The following SH3PXD2A variants were observed in gnomAD, a reference collection of about 807,000 sequenced individuals.
SH3PXD2A encodes the protein SH3 and PX domain-containing protein 2A.
Under a neutral mutation model 115.2 loss-of-function variants are expected in SH3PXD2A, and 32 were observed. That is an observed-to-expected ratio of 0.28 (90% CI 0.21 to 0.37). The LOEUF (loss-of-function observed/expected upper bound fraction) is 0.37, where lower values mean the gene tolerates loss of function less well. SH3PXD2A is among the 10% of genes least tolerant of loss of function. The pLI, the probability that SH3PXD2A is intolerant of heterozygous loss-of-function variation, is 1.00. For missense variants in SH3PXD2A, 1,328 were observed against 1,498.7 expected (o/e 0.89, Z 1.88); for synonymous variants, 610 against 629.1 (o/e 0.97, Z 0.45).
chr10:103,754,098 C>A (rs901027039), intron 3 of SH3PXD2A: 1 of 152,266 alleles, frequency 6.6e-6, no homozygotes, highest in African/African-American at 2.4e-5. Context: ...CTCATCTCAA[C>A]TCTCCTCCCT....
At chr10:103,825,365 AC>A (rs112692637) in intron 1 of SH3PXD2A, among the ~76,000 whole-genome samples, 3 of 152,350 alleles carry the variant, frequency 2.0e-5, no homozygotes, top group Middle Eastern at 3.4e-3. Flanking sequence ...ATGGCTGTTA[AC>A]AGGCGTTGCA....
intron 8 of SH3PXD2A, among the ~76,000 whole-genome samples, chr10:103,654,883 C>G (rs576927368): frequency 1.3e-5 from 2 of 152,134 alleles, no homozygotes; most frequent in African/African-American, 4.8e-5. Flanking sequence ...AACACGAAGT[C>G]CATGTTCCTA....
intron 3 of SH3PXD2A, among the ~76,000 whole-genome samples, chr10:103,743,112 T>C (rs1254550853): frequency 2.0e-5 from 3 of 152,094 alleles, no homozygotes; most frequent in African/African-American, 7.2e-5. Context: ...AAGGATCCCA[T>C]GTCCAGCTGC....
Position 103,620,999 on chromosome 10 carries a change from C to T in SH3PXD2A, c.802+1471G>A, listed in dbSNP as rs563979239. Among the ~76,000 whole-genome samples the T allele has an allele frequency of 2.0e-5, 3 of 152,244 alleles. No homozygotes were observed. The East Asian group carries it at 5.8e-4, about 29-fold the overall frequency. On this transcript the variant is annotated intron_variant, in intron 10 of 14. Coordinates refer to ENST00000369774, the MANE Select transcript of SH3PXD2A (RefSeq NM_001394015.1). The surrounding 1 kb of genome is among the most constrained non-coding windows in gnomAD (Gnocchi z 5.3). ...CATTTGTGGTGGTATAAACAGAAGA[C>T]ACATGGCACGGTGTATGCGTGGCTG...
At chr10:103,763,656 G>A (rs959642931) in intron 3 of SH3PXD2A, among the ~76,000 whole-genome samples, 4 of 152,206 alleles carry the variant, frequency 2.6e-5, no homozygotes, top group African/African-American at 9.7e-5. Flanking sequence ...ATGCTGTCCT[G>A]AGCCCCTGTA....
chr10:103,823,879 C>T (rs1363826813), intron 1 of SH3PXD2A, among the ~76,000 whole-genome samples: 5 of 152,172 alleles, frequency 3.3e-5, no homozygotes. Context: ...TCAGCTGGGA[C>T]AGCCATGCCA....
Position 103,692,932 on chromosome 10 carries a change from C to G in SH3PXD2A, c.427+96G>C, listed in dbSNP as rs966668040. The stretch of plus-strand genomic sequence containing the variant: ...GGCTGGCGTGCAAGGACAACCCCCC[C>G]CTCCCCGCCCCCAAGAAGTCCTCTG... On this transcript the variant is annotated intron_variant, in intron 6 of 14. Transcript: ENST00000369774. 18 of 1,001,428 alleles carry G rather than the reference C, an allele frequency of 1.8e-5. 1 individual carries two copies. The highest frequency in any genetic ancestry group is 1.1e-4 in the East Asian group (4 of 37,914). 62.0% of individuals were successfully genotyped at this position (1,001,428 alleles called of 1,614,324 possible). A position where few individuals can be genotyped will look rare whatever the true frequency, so the allele number is the denominator to read the frequency against.
intron 8 of SH3PXD2A, among the ~76,000 whole-genome samples, chr10:103,634,693 C>T (rs2081937636): frequency 6.6e-6 from 1 of 152,128 alleles, no homozygotes; most frequent in African/African-American, 2.4e-5. Flanking sequence ...AGGAGAGATG[C>T]CAGCCTGCAT....
At chr10:103,850,136 G>A (rs901897302) in intron 1 of SH3PXD2A, among the ~76,000 whole-genome samples, 15 of 152,150 alleles carry the variant, frequency 9.9e-5, no homozygotes, top group Middle Eastern at 3.2e-3. Flanking sequence ...TGCTGGCCCC[G>A]GAATATCTCT....
At chr10:103,779,798 C>A (rs993740099) in intron 2 of SH3PXD2A, among the ~76,000 whole-genome samples, 1 of 152,154 alleles carries the variant, frequency 6.6e-6, no homozygotes, top group African/African-American at 2.4e-5. Context: ...TGTGGTCACT[C>A]TGTTTCCTCC....
intron 6 of SH3PXD2A, among the ~76,000 whole-genome samples, chr10:103,669,543 T>C (rs1195882312): frequency 1.3e-5 from 2 of 152,382 alleles, no homozygotes; most frequent in East Asian, 1.9e-4. Flanking sequence ...AAAGCATTGA[T>C]GCAGTCGAAC....
chr10:103,805,261 G>A (rs935650881), intron 1 of SH3PXD2A, among the ~76,000 whole-genome samples: 1 of 152,196 alleles, frequency 6.6e-6, no homozygotes, highest in Non-Finnish European at 1.5e-5. Context: ...AAACCCAGGG[G>A]CCAGGGTGGT....
rs1355749297 is a variant in SH3PXD2A at position 103,603,415 on chromosome 10, GGCCCGCTGCAGA to G, written c.1791_1802del (p.Leu598_Ala601del). 1 of 1,614,056 alleles carries G rather than the reference GGCCCGCTGCAGA, an allele frequency of 6.2e-7. No individual in the cohort carries two copies. The highest frequency in any genetic ancestry group is 1.7e-5 in the Admixed American group (1 of 60,030). On this transcript the variant is annotated inframe_deletion, in exon 15 of 15. Transcript: ENST00000369774. ...CTGAAGACTCACCCACCTTGAAGCG[GGCCCGCTGCAGA>G]GAAGAGGCCGGCGAGGGCCGGTGGG...
intron 10 of SH3PXD2A, among the ~76,000 whole-genome samples, chr10:103,622,044 C>T (rs564176416): frequency 2.0e-4 from 30 of 152,218 alleles, no homozygotes; most frequent in Non-Finnish European, 4.1e-4. Flanking sequence ...CAACTTTGGC[C>T]GAGGGAGCAT....
At chr10:103,636,581 C>T (rs909570244) in intron 8 of SH3PXD2A, among the ~76,000 whole-genome samples, 12 of 152,054 alleles carry the variant, frequency 7.9e-5, no homozygotes, top group African/African-American at 2.4e-4. Context: ...CAGGAAGTGA[C>T]GGGCACTCCC....
At chr10:103,645,294 GC>G (rs942312166) in intron 8 of SH3PXD2A, among the ~76,000 whole-genome samples, 10 of 152,134 alleles carry the variant, frequency 6.6e-5, no homozygotes, top group African/African-American at 2.4e-4. Flanking sequence ...CTTCCTGCCG[GC>G]CCCCGCAACT....
At chr10:103,826,764 AATCTTCAGC>A (rs1320156525) in intron 1 of SH3PXD2A, among the ~76,000 whole-genome samples, 34 of 152,370 alleles carry the variant, frequency 2.2e-4, no homozygotes, top group Non-Finnish European at 2.8e-4. Flanking sequence ...TTCACCCGTG[AATCTTCAGC>A]ACCTGATATG....
At chr10:103,804,235 T>C (rs2039175224) in intron 1 of SH3PXD2A, among the ~76,000 whole-genome samples, 1 of 151,948 alleles carries the variant, frequency 6.6e-6, no homozygotes. Context: ...AGGTTCAATG[T>C]TAGGGTGCCC....
intron 1 of SH3PXD2A, among the ~76,000 whole-genome samples, chr10:103,814,657 CACTT>C (rs1817613818): frequency 6.6e-6 from 1 of 152,186 alleles, no homozygotes; most frequent in African/African-American, 2.4e-5. Context: ...AGGCCAGAGA[CACTT>C]ACAAAGTCTT....
Sources: allele counts gnomAD v4.1 joint callset (sites outside exome capture counted in the v4.1 genomes callset), GRCh38; gene constraint gnomAD v4.1.1; non-coding constraint Gnocchi (gnomAD v3.1); transcripts MANE v1.5; gene names NCBI Gene and HGNC (gene_info 2026-07-23, HGNC 2026-07-21).